Variants in NALF1 observed in about 807,000 individuals in gnomAD.
The protein encoded by NALF1 is family with sequence similarity 155 member A.
A neutral mutation model predicts 48.4 loss-of-function variants in NALF1; 3 were observed. The ratio of observed to expected loss-of-function variants is 0.06; its 90% CI spans 0.03 to 0.16. The LOEUF (loss-of-function observed/expected upper bound fraction) is 0.16. NALF1 is among the 10% of genes least tolerant of loss of function. The pLI, the probability that NALF1 is intolerant of heterozygous loss-of-function variation, is 1.00. For missense variants in NALF1, 526 were observed against 571.5 expected, an observed-to-expected ratio of 0.92 and a Z score of 0.81; for synonymous variants, 262 against 245.7, an observed-to-expected ratio of 1.07 and a Z score of -0.62.
chr13:107,224,977 AG>A (rs1880071850), intron 1 of NALF1, among the ~76,000 whole-genome samples: 1 of 150,394 alleles, frequency 6.6e-6, no homozygotes, highest in African/African-American at 2.4e-5. Context: ...GGGAATATTC[AG>A]GTAACATTTA....
chr13:107,514,889 T>C (rs964655716), intron 1 of NALF1, among the ~76,000 whole-genome samples: 4 of 152,168 alleles, frequency 2.6e-5, no homozygotes, highest in African/African-American at 2.4e-5. Context: ...AGTTTGTTGG[T>C]AGGCAGCAGA....
intron 1 of NALF1, among the ~76,000 whole-genome samples, chr13:107,737,774 A>G (rs975084438): frequency 1.3e-5 from 2 of 152,176 alleles, no homozygotes; most frequent in African/African-American, 4.8e-5. Context: ...TTGAAAAATG[A>G]CCCATTGTAT....
At chr13:107,450,271 GA>G (rs1285127413) in intron 1 of NALF1, among the ~76,000 whole-genome samples, 1 of 151,862 alleles carries the variant, frequency 6.6e-6, no homozygotes, top group Non-Finnish European at 1.5e-5. Context: ...GAGAAAGATA[GA>G]AAAGGAGTCA....
chr13:107,376,366 C>T (rs1883340413), intron 1 of NALF1, among the ~76,000 whole-genome samples: 1 of 152,314 alleles, frequency 6.6e-6, no homozygotes, highest in African/African-American at 2.4e-5. Context: ...GTTTCCTCCT[C>T]CACATTCTTC....
At position 107,838,865 on chromosome 13, in the gene NALF1, A is replaced by G. The variant is rs552629640; in HGVS notation, c.915+26817T>C. Among the ~76,000 whole-genome samples, 14 of 152,338 alleles carry G rather than the reference A, an allele frequency of 9.2e-5. No homozygotes were observed. In the South Asian group the frequency reaches 2.9e-3, roughly 32 times the overall value. On this transcript the variant is annotated intron_variant, in intron 1 of 2. Transcript: ENST00000375915. ...TGAGTATGAAAGTCATTATACGACA[A>G]CAAATCCTCTTCTATCACATTTCAC...
At chr13:107,470,807 C>T (rs748041145) in intron 1 of NALF1, among the ~76,000 whole-genome samples, 1 of 151,958 alleles carries the variant, frequency 6.6e-6, no homozygotes, top group Non-Finnish European at 1.5e-5. Context: ...TAATATAATA[C>T]ACATATACAT....
chr13:107,240,473 T>A (rs1566461236), intron 1 of NALF1, among the ~76,000 whole-genome samples: 2 of 152,338 alleles, frequency 1.3e-5, no homozygotes, highest in East Asian at 3.9e-4. Flanking sequence ...TTTGTTAGAT[T>A]TAAAGAAGTT....
rs575336108 is a variant in NALF1 at position 107,281,840 on chromosome 13, A to G, written c.916-71085T>C. 6.4e-4 allele frequency among the ~76,000 whole-genome samples: 97 copies of G among 152,302 alleles called. 2 individuals carry two copies. The South Asian group carries it at 0.019, about 30-fold the overall frequency. ...CAGGAAGGACAATGAATGGAGGAGG[A>G]ACTACCAAACACTTATAAAACCGTC... On this transcript the variant is annotated intron_variant, in intron 1 of 2. Transcript: ENST00000375915.
At chr13:107,476,850 A>C (rs1216700957) in intron 1 of NALF1, among the ~76,000 whole-genome samples, 1 of 152,112 alleles carries the variant, frequency 6.6e-6, no homozygotes, top group Non-Finnish European at 1.5e-5. Context: ...TAATGAGCCA[A>C]GAGGTATTTA....
Position 107,608,967 on chromosome 13 carries a change from C to T in NALF1, c.915+256715G>A, listed in dbSNP as rs551716234. Reference sequence around the variant, plus strand: ...GGGATGGTGCCGAGTGGGGCAGAGGCCTGCCTTCAAGGAGTTCACAGTGAA... The same window carrying T: ...GGGATGGTGCCGAGTGGGGCAGAGGTCTGCCTTCAAGGAGTTCACAGTGAA... On this transcript the variant is annotated intron_variant, in intron 1 of 2. Transcript: ENST00000375915. Among the ~76,000 whole-genome samples the T allele has an allele frequency of 4.6e-5, 7 of 152,268 alleles. No homozygotes were observed. In the East Asian group the frequency reaches 1.4e-3, roughly 30 times the overall value.
chr13:107,555,055 AATTGGAGTG>A (rs1293534412), intron 1 of NALF1, among the ~76,000 whole-genome samples: 1 of 152,124 alleles, frequency 6.6e-6, no homozygotes, highest in Non-Finnish European at 1.5e-5. Context: ...CAATCACTTT[AATTGGAGTG>A]ATCATTGCAA....
intron 1 of NALF1, among the ~76,000 whole-genome samples, chr13:107,726,588 T>C (rs1876155573): frequency 6.6e-6 from 1 of 150,716 alleles, no homozygotes; most frequent in Non-Finnish European, 1.5e-5. Flanking sequence ...TTCTGGATCT[T>C]ATGCTATGTA....
rs1878763780 is a variant in NALF1, at chr13:107,170,008, T to C, written c.*489A>G. 6.5e-6 allele frequency: 1 copy of C among 152,748 alleles called. No individual in the cohort carries two copies. The highest frequency in any genetic ancestry group is 1.5e-5 in the Non-Finnish European group (1 of 68,172). The allele number at this position is 152,748 out of a possible 1,614,324, so 9.5% of individuals were successfully genotyped here. Reference sequence around the variant, plus strand: ...GTCTTTTTTATTTTTTATTCTTTTTTTGTTGTTGTTTTTTGCTATACCATG... The same window carrying C: ...GTCTTTTTTATTTTTTATTCTTTTTCTGTTGTTGTTTTTTGCTATACCATG... On this transcript the variant is annotated 3_prime_UTR_variant, in exon 3 of 3. Transcript: ENST00000375915.
chr13:107,412,247 G>A (rs1042545065), intron 1 of NALF1, among the ~76,000 whole-genome samples: 1 of 152,062 alleles, frequency 6.6e-6, no homozygotes, highest in Non-Finnish European at 1.5e-5. Context: ...CTTATACCAA[G>A]CACCAGTCTA....
At chr13:107,176,639 C>G (rs1878944129) in intron 2 of NALF1, among the ~76,000 whole-genome samples, 1 of 150,940 alleles carries the variant, frequency 6.6e-6, no homozygotes, top group Non-Finnish European at 1.5e-5. Flanking sequence ...GAGACTCCAT[C>G]TCAAAAAAAA....
intron 1 of NALF1, among the ~76,000 whole-genome samples, chr13:107,350,272 A>C (rs1408283200): frequency 6.6e-6 from 1 of 152,052 alleles, no homozygotes; most frequent in Non-Finnish European, 1.5e-5. Context: ...ATGTATTTTC[A>C]TAAACTTAAT....
At chr13:107,745,366 C>T (rs926963975) in intron 1 of NALF1, among the ~76,000 whole-genome samples, 1 of 152,044 alleles carries the variant, frequency 6.6e-6, no homozygotes, top group South Asian at 2.1e-4. Context: ...ATTATAGACA[C>T]CCCCTAGCTG....
chr13:107,824,235 CTGAT>C (rs1879444638), intron 1 of NALF1, among the ~76,000 whole-genome samples: 1 of 152,020 alleles, frequency 6.6e-6, no homozygotes, highest in South Asian at 2.1e-4. Context: ...ACTAAATTGT[CTGAT>C]TGTTAATATA....
At chr13:107,794,250 T>G (rs1164889320) in intron 1 of NALF1, among the ~76,000 whole-genome samples, 1 of 152,192 alleles carries the variant, frequency 6.6e-6, no homozygotes, top group Non-Finnish European at 1.5e-5. Context: ...ACATTCAACA[T>G]GAAAGCCCCT....
Sources: gnomAD v4.1 joint callset for allele counts (sites outside exome capture counted in the v4.1 genomes callset) on GRCh38, gnomAD v4.1.1 for gene constraint, MANE v1.5 for transcripts, NCBI Gene and HGNC (gene_info 2026-07-23, HGNC 2026-07-21) for gene names.